The following CNTNAP2 variants were observed in gnomAD, a reference collection of about 807,000 sequenced individuals.
The protein encoded by CNTNAP2 is contactin-associated protein-like 2.
A neutral mutation model predicts 155.2 loss-of-function variants in CNTNAP2; 98 were observed. The ratio of observed to expected loss-of-function variants is 0.63; its 90% CI spans 0.54 to 0.75. The LOEUF is 0.75. CNTNAP2 is among the 30% of genes least tolerant of loss of function. CNTNAP2 has a pLI of 0.00. For synonymous variants in CNTNAP2, 651 were observed against 631.2 expected (o/e 1.03, Z -0.47); for missense variants, 1,727 against 1,688.1 (o/e 1.02, Z -0.40).
intron 9 of CNTNAP2, among the ~76,000 whole-genome samples, chr7:147,339,447 G>A (rs992302143): frequency 3.9e-5 from 6 of 152,066 alleles, no homozygotes; most frequent in African/African-American, 1.4e-4. Flanking sequence ...CACCATGAGT[G>A]GAAGCAGCAC....
intron 13 of CNTNAP2, among the ~76,000 whole-genome samples, chr7:147,694,969 T>A (rs1796141124): frequency 6.6e-6 from 1 of 152,198 alleles, no homozygotes; most frequent in Non-Finnish European, 1.5e-5. Flanking sequence ...AATATATGCA[T>A]TTAGTGTTAC....
intron 14 of CNTNAP2, among the ~76,000 whole-genome samples, chr7:147,968,594 CCT>C (rs1404149806): frequency 2.0e-5 from 3 of 152,064 alleles, no homozygotes; most frequent in East Asian, 3.9e-4. Flanking sequence ...TGATCCAGCC[CCT>C]GTTTGTTTTA....
chr7:146,406,417 G>A (rs1795792611), intron 1 of CNTNAP2, among the ~76,000 whole-genome samples: 1 of 152,162 alleles, frequency 6.6e-6, no homozygotes, highest in African/African-American at 2.4e-5. Flanking sequence ...ACATGGTTGA[G>A]GATTTTTGAA....
intron 21 of CNTNAP2, among the ~76,000 whole-genome samples, chr7:148,350,608 G>A (rs967794538): frequency 6.6e-6 from 1 of 152,182 alleles, no homozygotes; most frequent in Non-Finnish European, 1.5e-5. Context: ...ATTCCTTTCC[G>A]AGGTTGTTTT....
rs1409522462 is a variant in CNTNAP2, at chr7:148,367,014, C to T, written c.3476-16635C>T. ...TTGGGAGGCCCAGGAAGGCGGATCA[C>T]GAGGTGAAGAGATTGAGACCACTCT... On this transcript the variant is annotated intron_variant, in intron 21 of 23. Transcript: ENST00000361727. Among the ~76,000 whole-genome samples the T allele has an allele frequency of 1.3e-5, 2 of 152,124 alleles. 1 individual carries two copies.
chr7:147,415,158 C>G (rs1797171381), intron 10 of CNTNAP2, among the ~76,000 whole-genome samples: 1 of 152,066 alleles, frequency 6.6e-6, no homozygotes, highest in Non-Finnish European at 1.5e-5. Flanking sequence ...CAGGTGGGAG[C>G]ATACAATTGC....
chr7:146,403,901 G>A (rs7776593), intron 1 of CNTNAP2, among the ~76,000 whole-genome samples: 61,625 of 151,456 alleles, frequency 0.41, 14,432 homozygotes, highest in African/African-American at 0.64. Flanking sequence ...CGAGGCGGGC[G>A]GATCACGAGG....
In CNTNAP2 at chr7:147,725,768, C is replaced by A. The variant is rs1020014881; in HGVS notation, c.2098+86462C>A. Among the ~76,000 whole-genome samples, 17 of 152,218 alleles carry A rather than the reference C, an allele frequency of 1.1e-4. No individual in the cohort carries two copies. In the East Asian group the frequency reaches 3.3e-3, roughly 29 times the overall value. The stretch of plus-strand genomic sequence containing the variant: ...CTAAAGTTGTGAACCCAACACGAGA[C>A]TTCCTGTATTCCCACTCTGCTTCTA... On this transcript the variant is annotated intron_variant, in intron 13 of 23. Coordinates refer to ENST00000361727, the MANE Select transcript of CNTNAP2 (RefSeq NM_014141.6).
At chr7:146,797,998 G>T (rs1802801328) in intron 2 of CNTNAP2, among the ~76,000 whole-genome samples, 1 of 148,206 alleles carries the variant, frequency 6.7e-6, no homozygotes, top group Non-Finnish European at 1.5e-5. Context: ...TTTTGGCCGA[G>T]TGTGGTGGCT....
chr7:147,522,717 T>C (rs1584789466), intron 11 of CNTNAP2, among the ~76,000 whole-genome samples: 1 of 147,090 alleles, frequency 6.8e-6, no homozygotes, highest in African/African-American at 2.5e-5. Context: ...TTGAGAAACA[T>C]GGATAGCTGA....
intron 1 of CNTNAP2, among the ~76,000 whole-genome samples, chr7:146,438,797 AT>A (rs1796279222): frequency 6.6e-6 from 1 of 151,538 alleles, no homozygotes; most frequent in Non-Finnish European, 1.5e-5. Context: ...TTTGGTTGAT[AT>A]CTCAAAACAT....
At chr7:146,575,291 A>T (rs1314284723) in intron 1 of CNTNAP2, among the ~76,000 whole-genome samples, 1 of 151,976 alleles carries the variant, frequency 6.6e-6, no homozygotes, top group Admixed American at 6.6e-5. Context: ...TAATTTTTGT[A>T]TTCTTAGTAG....
chr7:146,588,743 A>T (rs1335828532), intron 1 of CNTNAP2, among the ~76,000 whole-genome samples: 1 of 152,074 alleles, frequency 6.6e-6, no homozygotes, highest in Non-Finnish European at 1.5e-5. Flanking sequence ...TTGTGGGCTC[A>T]AGCTATCGGC....
chr7:147,898,149 A>G (rs1330360992), intron 13 of CNTNAP2, among the ~76,000 whole-genome samples: 1 of 152,352 alleles, frequency 6.6e-6, no homozygotes, highest in East Asian at 1.9e-4. Flanking sequence ...CAGAAAAATC[A>G]AGAAATTTGT....
chr7:146,127,453 G>T (rs1797653091), intron 1 of CNTNAP2, among the ~76,000 whole-genome samples: 1 of 152,176 alleles, frequency 6.6e-6, no homozygotes, highest in African/African-American at 2.4e-5. Flanking sequence ...ATCGACAACA[G>T]AAGGAAGGCG....
At chr7:147,956,765 A>C (rs765396479) in intron 14 of CNTNAP2, among the ~76,000 whole-genome samples, 1 of 152,192 alleles carries the variant, frequency 6.6e-6, no homozygotes, top group Non-Finnish European at 1.5e-5. Context: ...ATTTAATTCT[A>C]CTTAGATTGA....
intron 21 of CNTNAP2, among the ~76,000 whole-genome samples, chr7:148,277,262 G>C (rs932859312): frequency 1.3e-5 from 2 of 152,102 alleles, no homozygotes; most frequent in Non-Finnish European, 2.9e-5. Flanking sequence ...TGCTCTTCTG[G>C]CCTTGGAGCT....
chr7:146,149,139 C>A (rs1562968104), intron 1 of CNTNAP2, among the ~76,000 whole-genome samples: 1 of 151,790 alleles, frequency 6.6e-6, no homozygotes, highest in Admixed American at 6.6e-5. Context: ...ATGTAACAAA[C>A]CTGCATGTTG....
At chr7:147,774,111 T>C (rs1797519014) in intron 13 of CNTNAP2, among the ~76,000 whole-genome samples, 1 of 152,176 alleles carries the variant, frequency 6.6e-6, no homozygotes, top group Non-Finnish European at 1.5e-5. Context: ...GCCACAGTAG[T>C]TAATAATGCC....
Sources: gnomAD v4.1 joint callset for allele counts (sites outside exome capture counted in the v4.1 genomes callset) on GRCh38, gnomAD v4.1.1 for gene constraint, MANE v1.5 for transcripts, NCBI Gene and HGNC (gene_info 2026-07-23, HGNC 2026-07-21) for gene names.